The following ICOS variants were observed in gnomAD, a reference collection of about 807,000 sequenced individuals.
ICOS encodes inducible T-cell costimulator.
Under a neutral mutation model 24.6 loss-of-function variants are expected in ICOS, and 15 were observed. The observed-to-expected ratio is 0.61, with a 90% CI of 0.41 to 0.94. The LOEUF is 0.94. ICOS is among the 40% of genes least tolerant of loss of function. ICOS has a pLI of 0.00. For missense variants in ICOS, 200 were observed against 233.0 expected, an observed-to-expected ratio of 0.86 and a Z score of 0.92; for synonymous variants, 89 against 77.5, an observed-to-expected ratio of 1.15 and a Z score of -0.78.
intron 1 of ICOS, among the ~76,000 whole-genome samples, chr2:203,947,515 G>T (rs1195100606): frequency 1.3e-5 from 2 of 151,978 alleles, no homozygotes; most frequent in Non-Finnish European, 2.9e-5. Flanking sequence ...CACCATGTTG[G>T]CCAGGATGGT....
chr2:203,956,612 G>A, intron 2 of ICOS, 47 bp from the exon 3 acceptor site: 1 of 1,267,194 alleles, frequency 7.9e-7, no homozygotes, highest in Non-Finnish European at 1.2e-6. Context: ...AAGAGAACTT[G>A]TGGTTCAGCA....
intron 4 of ICOS, among the ~76,000 whole-genome samples, chr2:203,959,192 T>C (rs1007842546): frequency 1.3e-5 from 2 of 152,110 alleles, no homozygotes; most frequent in African/African-American, 4.8e-5. Flanking sequence ...GTGCCTCTAC[T>C]TGGGATGAGC....
chr2:203,949,048 T>C lies in ICOS; in HGVS notation c.59-6588T>C, dbSNP rs551146800. On this transcript the variant is annotated intron_variant, in intron 1 of 4. Transcript: ENST00000316386. ...TTTTATAAGCAGAACAATGACTCTA[T>C]TGGATTATGCATGTAAGAAGGTCAT... 1.4e-4 allele frequency among the ~76,000 whole-genome samples: 21 copies of C among 152,242 alleles called. 1 individual carries two copies. In the South Asian group the frequency reaches 4.4e-3, roughly 32 times the overall value.
intron 1 of ICOS, among the ~76,000 whole-genome samples, chr2:203,948,862 C>A (rs1689917915): frequency 6.6e-6 from 1 of 152,120 alleles, no homozygotes. Flanking sequence ...GCCCTGGGAA[C>A]CTGCTTTGTG....
At chr2:203,959,513 G>C (rs1488490586) in intron 4 of ICOS, 73 bp from the exon 5 acceptor site, 1 of 1,285,280 alleles carries the variant, frequency 7.8e-7, no homozygotes, top group Non-Finnish European at 1.1e-6. Flanking sequence ...AGGCAATGGA[G>C]AGGGGAAAGC....
At chr2:203,952,155 AT>A (rs142575821) in intron 1 of ICOS, among the ~76,000 whole-genome samples, 6,511 of 152,178 alleles carry the variant, frequency 0.043, 224 homozygotes, top group African/African-American at 0.098. Context: ...CAGCACCCCT[AT>A]TTCCTTCTGA....
chr2:203,958,901 A>G (rs960113318), intron 4 of ICOS, among the ~76,000 whole-genome samples: 1 of 152,126 alleles, frequency 6.6e-6, no homozygotes, highest in Non-Finnish European at 1.5e-5. Context: ...GCAGAACCTG[A>G]CATAAGGACT....
At chr2:203,951,673 A>C (rs181738305) in intron 1 of ICOS, among the ~76,000 whole-genome samples, 2 of 152,336 alleles carry the variant, frequency 1.3e-5, no homozygotes, top group East Asian at 1.9e-4. Context: ...CTGTGTATAC[A>C]TGGTGACCAC....
chr2:203,951,636 CG>C (rs1028198509), intron 1 of ICOS, among the ~76,000 whole-genome samples: 5 of 152,132 alleles, frequency 3.3e-5, no homozygotes, highest in Middle Eastern at 3.2e-3. Flanking sequence ...AAATCATCTT[CG>C]GAAGTAGAAG....
At chr2:203,959,415 G>A (rs567845097) in intron 4 of ICOS, among the ~76,000 whole-genome samples, 171 bp from the exon 5 acceptor site, 2 of 152,054 alleles carry the variant, frequency 1.3e-5, no homozygotes, top group South Asian at 2.1e-4. Context: ...CTGGTGCTGG[G>A]TGTTGAAGCA....
rs561579419 is a variant in ICOS, at chr2:203,958,403, T to C, written c.586+520T>C. Among the ~76,000 whole-genome samples the C allele has an allele frequency of 3.3e-5, 5 of 152,134 alleles. No homozygotes were observed. The South Asian group carries it at 6.2e-4, about 19-fold the overall frequency. On this transcript the variant is annotated intron_variant, in intron 4 of 4. Transcript: ENST00000316386. ...TATTTTGAGGTAAAGAGTGTGCAAG[T>C]TTAGAGAACTTGGATGGCTTTAGAA... is the stretch of plus-strand genomic sequence containing the variant.
In ICOS at chr2:203,957,395, T is replaced by G. The variant is rs78269442; in HGVS notation, c.502-404T>G. Among the ~76,000 whole-genome samples the G allele has an allele frequency of 4.6e-3, 705 of 152,318 alleles. 2 individuals are homozygous for G. The highest frequency in any genetic ancestry group is 7.8e-3 in the Non-Finnish European group (528 of 68,026). ...CTGGGGGATATTCTTTTTGGTCTCTTGCATTACAGGTTCTCAATCAAAGAA... is the reference window on the plus strand; with the variant it reads ...CTGGGGGATATTCTTTTTGGTCTCTGGCATTACAGGTTCTCAATCAAAGAA... On this transcript the variant is annotated intron_variant, in intron 3 of 4. Coordinates refer to ENST00000316386, the MANE Select transcript of ICOS (RefSeq NM_012092.4).
chr2:203,950,227 G>A (rs1010888494), intron 1 of ICOS, among the ~76,000 whole-genome samples: 3 of 152,192 alleles, frequency 2.0e-5, no homozygotes, highest in Non-Finnish European at 4.4e-5. Flanking sequence ...GAGGCCTAGG[G>A]GCGAAATCTG....
chr2:203,950,856 T>A (rs895418729), intron 1 of ICOS, among the ~76,000 whole-genome samples: 4 of 152,122 alleles, frequency 2.6e-5, no homozygotes, highest in Admixed American at 2.0e-4. Context: ...GGTAAAGAGA[T>A]GGAGACCATC....
intron 1 of ICOS, among the ~76,000 whole-genome samples, chr2:203,938,749 G>C (rs1338810443): frequency 6.6e-6 from 1 of 152,134 alleles, no homozygotes; most frequent in Non-Finnish European, 1.5e-5. Context: ...TAAGTTTCCA[G>C]ATTAAGCTGA....
chr2:203,954,536 C>T (rs1250978018), intron 1 of ICOS, among the ~76,000 whole-genome samples: 3 of 152,044 alleles, frequency 2.0e-5, no homozygotes, highest in Non-Finnish European at 4.4e-5. Context: ...CTACAACGAG[C>T]TAGGATCATG....
intron 1 of ICOS, among the ~76,000 whole-genome samples, chr2:203,941,049 G>A (rs1425326798): frequency 2.6e-5 from 4 of 152,122 alleles, no homozygotes; most frequent in Admixed American, 1.3e-4. Flanking sequence ...CTCCGCCTCC[G>A]CCTCCCAAAG....
intron 1 of ICOS, among the ~76,000 whole-genome samples, chr2:203,939,143 T>C (rs1006169548): frequency 6.6e-6 from 1 of 152,232 alleles, no homozygotes; most frequent in African/African-American, 2.4e-5. Flanking sequence ...GTTAAGTGAT[T>C]TGTTACACAG....
intron 1 of ICOS, among the ~76,000 whole-genome samples, chr2:203,945,795 TCA>T (rs766147796): frequency 3.3e-5 from 5 of 152,132 alleles, no homozygotes; most frequent in Non-Finnish European, 5.9e-5. Context: ...TGTACTGAGC[TCA>T]GTTTGGAAAG....
Sources: gnomAD v4.1 joint callset for allele counts (sites outside exome capture counted in the v4.1 genomes callset) on GRCh38, gnomAD v4.1.1 for gene constraint, MANE v1.5 for transcripts, NCBI Gene and HGNC (gene_info 2026-07-23, HGNC 2026-07-21) for gene names.